The following ZNF131 variants were observed in gnomAD, a reference collection of about 807,000 sequenced individuals.
ZNF131 encodes the protein zinc finger protein 131.
ZNF131 carries 7 observed loss-of-function variants against 60.0 expected under a neutral mutation model. The observed-to-expected ratio is 0.12, with a 90% CI of 0.07 to 0.22. The LOEUF (loss-of-function observed/expected upper bound fraction) is 0.22. Ranked by LOEUF, ZNF131 falls within the 10% of genes least tolerant of loss-of-function variation. The probability of loss-of-function intolerance (pLI) is 1.00; values close to 1 mark genes in which losing one functional copy is unlikely to be tolerated. For synonymous variants in ZNF131, 257 were observed against 253.2 expected (o/e 1.01, Z -0.14); for missense variants, 493 against 740.9 (o/e 0.67, Z 3.88).
intron 5 of ZNF131, among the ~76,000 whole-genome samples, chr5:43,171,500 C>T (rs1176374308): frequency 6.6e-6 from 1 of 152,056 alleles, no homozygotes; most frequent in Non-Finnish European, 1.5e-5. Context: ...TGGTGAAACT[C>T]TGAGCTGAGA....
chr5:43,156,616 A>G (rs1748995779), intron 4 of ZNF131, among the ~76,000 whole-genome samples: 1 of 152,170 alleles, frequency 6.6e-6, no homozygotes, highest in South Asian at 2.1e-4. Flanking sequence ...CCCTGCTGAC[A>G]CCGATCTATT....
intron 3 of ZNF131, chr5:43,124,959 G>C (rs1490994369): frequency 1.3e-5 from 2 of 151,940 alleles, no homozygotes; most frequent in Admixed American, 6.6e-5. Context: ...GGGCCCAGGA[G>C]GTCAAAGCTG....
At chr5:43,138,630 CAA>C (rs1228003349) in intron 3 of ZNF131, among the ~76,000 whole-genome samples, 24 of 151,906 alleles carry the variant, frequency 1.6e-4, no homozygotes, top group Non-Finnish European at 8.8e-5. Context: ...GCCTGGGCAA[CAA>C]GAGTGAAACT....
At chr5:43,152,531 A>G (rs1748453777) in intron 4 of ZNF131, among the ~76,000 whole-genome samples, 1 of 152,208 alleles carries the variant, frequency 6.6e-6, no homozygotes, top group African/African-American at 2.4e-5. Flanking sequence ...GCTTATAGCC[A>G]TTGGAGAGAC....
intron 5 of ZNF131, among the ~76,000 whole-genome samples, chr5:43,163,488 C>G (rs931148088): frequency 6.6e-6 from 1 of 152,202 alleles, no homozygotes; most frequent in Non-Finnish European, 1.5e-5. Context: ...CTCAGGGCCT[C>G]GCCCCACATA....
chr5:43,156,074 G>A (rs1468370046), intron 4 of ZNF131, among the ~76,000 whole-genome samples: 1 of 152,184 alleles, frequency 6.6e-6, no homozygotes. Flanking sequence ...CAGTTGGGGT[G>A]ATTCCCTCTG....
In ZNF131 at chr5:43,127,647, C is replaced by T. The variant is rs533039199; in HGVS notation, c.226+4337C>T. 3.3e-5 allele frequency among the ~76,000 whole-genome samples: 5 copies of T among 152,052 alleles called. No individual in the cohort carries two copies. The South Asian group carries it at 1.1e-3, about 32-fold the overall frequency. On this transcript the variant is annotated intron_variant, in intron 3 of 6. Transcript: ENST00000682664. ...TCATTAGGTGCAAGCTGAGCTCACCCTCCATGTTTTCTGTGTTCCTGGTTA... is the reference window on the plus strand; with the variant it reads ...TCATTAGGTGCAAGCTGAGCTCACCTTCCATGTTTTCTGTGTTCCTGGTTA...
intron 4 of ZNF131, among the ~76,000 whole-genome samples, chr5:43,148,525 T>G (rs1330903028): frequency 6.6e-6 from 1 of 152,254 alleles, no homozygotes; most frequent in Non-Finnish European, 1.5e-5. Flanking sequence ...ACATAAATAT[T>G]TAGACTTAAA....
At chr5:43,144,160 G>A (rs1441018264) in intron 4 of ZNF131, among the ~76,000 whole-genome samples, 1 of 148,790 alleles carries the variant, frequency 6.7e-6, no homozygotes, top group East Asian at 2.0e-4. Flanking sequence ...CTGACCTCGT[G>A]ATCCACTTGT....
In ZNF131 at chr5:43,174,974, C is replaced by T. The variant is rs1284074472; in HGVS notation, c.1713C>T (p.Ile571=). Residue 571 remains isoleucine (I), a synonymous_variant, in exon 7 of 7, where the codon ATC becomes ATT. Transcript: ENST00000682664. ...ATTTGGACCACGTGACCCCAGAAAT[C>T]ATGAACCAAGAGGAGAGAGAGTCTA... ...EADLDHVTPE[I]MNQEERESSQ... is the part of the protein sequence containing the mutation. 2.5e-6 allele frequency: 4 copies of T among 1,614,114 alleles called. No individual in the cohort carries two copies. The highest frequency in any genetic ancestry group is 3.4e-6 in the Non-Finnish European group (4 of 1,180,030).
At chr5:43,167,229 T>C (rs1447008836) in intron 5 of ZNF131, among the ~76,000 whole-genome samples, 3 of 152,142 alleles carry the variant, frequency 2.0e-5, no homozygotes, top group Non-Finnish European at 2.9e-5. Flanking sequence ...ATTTAAAAAT[T>C]TAAATTTAAA....
intron 4 of ZNF131, among the ~76,000 whole-genome samples, chr5:43,159,296 C>G (rs532541506): frequency 2.0e-5 from 3 of 152,138 alleles, no homozygotes; most frequent in Admixed American, 1.3e-4. Flanking sequence ...TTTCAGTTCA[C>G]AAGATGTGAG....
At chr5:43,171,905 C>T (rs368084650) in intron 5 of ZNF131, among the ~76,000 whole-genome samples, 76 of 152,136 alleles carry the variant, frequency 5.0e-4, no homozygotes, top group African/African-American at 1.8e-3. Context: ...CGGGTGTGAG[C>T]CACCGCCCCG....
At chr5:43,167,535 T>G (rs75191868) in intron 5 of ZNF131, among the ~76,000 whole-genome samples, 2,320 of 152,282 alleles carry the variant, frequency 0.015, 61 homozygotes, top group African/African-American at 0.053. Flanking sequence ...TTGCATATTT[T>G]TATTAGTTTA....
chr5:43,150,441 A>T (rs1366765200), intron 4 of ZNF131, among the ~76,000 whole-genome samples: 1 of 152,154 alleles, frequency 6.6e-6, no homozygotes, highest in African/African-American at 2.4e-5. Context: ...GCTGGTACTG[A>T]ATTTTCCCCA....
rs768909836 is a variant in ZNF131 at position 43,161,496 on chromosome 5, G to C, written c.619G>C (p.Asp207His). ...GTACATACAGAGCACAGGTTCCTCT[G>C]ATGATTCTGCTCTAGCACTGTTGGC... ...VKYIQSTGSS[D>H]DSALALLADI... is the part of the protein sequence containing the mutation. The change falls in exon 5 of 7, where the codon GAT (aspartate) becomes CAT (histidine). Residue 207 changes from aspartate to histidine, a missense_variant. By Grantham distance (81) the Asp-to-His change is moderately conservative. Around this residue, in one of 7 missense-constraint regions of ZNF131, gnomAD observed 138 missense variants for 158.7 expected, o/e 0.87. Transcript: ENST00000682664. 58 of 1,614,142 alleles carry C rather than the reference G, an allele frequency of 3.6e-5. No individual in the cohort carries two copies. The highest frequency in any genetic ancestry group is 8.5e-7 in the Non-Finnish European group (1 of 1,180,054).
At chr5:43,135,190 G>T (rs1182551685) in intron 3 of ZNF131, among the ~76,000 whole-genome samples, 2 of 148,280 alleles carry the variant, frequency 1.3e-5, no homozygotes, top group African/African-American at 5.0e-5. Context: ...TAGAGACGGG[G>T]TTTCTCCATG....
chr5:43,133,398 G>A (rs11748554), intron 3 of ZNF131, among the ~76,000 whole-genome samples: 8,032 of 152,202 alleles, frequency 0.053, 318 homozygotes, highest in South Asian at 0.13. Flanking sequence ...CTGGGGAGGC[G>A]GACGTTGCAG....
chr5:43,159,401 T>C (rs1012870214), intron 4 of ZNF131, among the ~76,000 whole-genome samples: 1 of 151,934 alleles, frequency 6.6e-6, no homozygotes, highest in Non-Finnish European at 1.5e-5. Context: ...ACTCTAGATA[T>C]AAGATCTTTA....
Sources: allele counts gnomAD v4.1 joint callset (sites outside exome capture counted in the v4.1 genomes callset), GRCh38; gene constraint gnomAD v4.1.1; regional missense constraint gnomAD v4.1.1; transcripts MANE v1.5; gene names NCBI Gene and HGNC (gene_info 2026-07-23, HGNC 2026-07-21).